The following COL28A1 variants were observed in gnomAD, a reference collection of about 807,000 sequenced individuals.
The protein encoded by COL28A1 is collagen alpha-1(XXVIII) chain.
Under a neutral mutation model 150.2 loss-of-function variants are expected in COL28A1, and 161 were observed. That is an observed-to-expected ratio of 1.07 (90% CI 0.94 to 1.22). COL28A1 has a LOEUF of 1.22. Among genes scored for constraint, COL28A1 ranks in the 50% most tolerant of loss-of-function variants. The pLI, the probability that COL28A1 is intolerant of heterozygous loss-of-function variation, is 0.00. For synonymous variants in COL28A1, 552 were observed against 469.7 expected, an observed-to-expected ratio of 1.18 and a Z score of -2.26; for missense variants, 1,617 against 1,388.3, an observed-to-expected ratio of 1.16 and a Z score of -2.62.
intron 11 of COL28A1, among the ~76,000 whole-genome samples, chr7:7,494,725 C>G (rs966451329): frequency 9.2e-5 from 14 of 152,108 alleles, no homozygotes; most frequent in African/African-American, 3.4e-4. Flanking sequence ...TACAATCTGG[C>G]TGGAGAGACA....
intron 11 of COL28A1, among the ~76,000 whole-genome samples, chr7:7,505,125 C>T (rs1780739009): frequency 6.6e-6 from 1 of 152,202 alleles, no homozygotes; most frequent in Non-Finnish European, 1.5e-5. Context: ...TGGTAAATCA[C>T]ACACTGTCAT....
chr7:7,396,158 G>C (rs1057427501), intron 27 of COL28A1, among the ~76,000 whole-genome samples: 1 of 152,098 alleles, frequency 6.6e-6, no homozygotes, highest in African/African-American at 2.4e-5. Flanking sequence ...ACCTTATCCA[G>C]AGACCCCCTA....
intron 15 of COL28A1, among the ~76,000 whole-genome samples, chr7:7,457,619 A>C (rs777851795): frequency 3.3e-5 from 5 of 152,182 alleles, no homozygotes; most frequent in Non-Finnish European, 7.3e-5. Flanking sequence ...TAATTGAGTG[A>C]ATTTGCCAAG....
intron 13 of COL28A1, among the ~76,000 whole-genome samples, chr7:7,485,727 T>C (rs894515299): frequency 3.9e-5 from 6 of 152,310 alleles, no homozygotes; most frequent in African/African-American, 1.4e-4. Context: ...AAGACTATGT[T>C]TCCTCTATTG....
chr7:7,367,713 G>C (rs1447169095), intron 33 of COL28A1, among the ~76,000 whole-genome samples: 2 of 151,900 alleles, frequency 1.3e-5, no homozygotes, highest in African/African-American at 4.8e-5. Flanking sequence ...GTGATACAGA[G>C]GGATCTGTTC....
At chr7:7,440,163 G>T (rs17167748) in intron 21 of COL28A1, among the ~76,000 whole-genome samples, 2,627 of 152,200 alleles carry the variant, frequency 0.017, 50 homozygotes, top group African/African-American at 0.045. Flanking sequence ...TCAGCACTGT[G>T]TTATCAACAA....
intron 32 of COL28A1, among the ~76,000 whole-genome samples, chr7:7,372,263 G>T (rs1431782055): frequency 2.0e-5 from 3 of 151,794 alleles, no homozygotes; most frequent in Admixed American, 1.3e-4. Context: ...GCCGGGCATG[G>T]TGGCGCGTGC....
intron 27 of COL28A1, among the ~76,000 whole-genome samples, chr7:7,405,187 C>T (rs1234784984): frequency 6.6e-6 from 1 of 152,172 alleles, no homozygotes; most frequent in Non-Finnish European, 1.5e-5. Flanking sequence ...AACTAATTTC[C>T]TTTATATGTA....
intron 33 of COL28A1, among the ~76,000 whole-genome samples, chr7:7,365,520 G>C (rs1248638090): frequency 6.6e-6 from 1 of 152,132 alleles, no homozygotes; most frequent in Non-Finnish European, 1.5e-5. Context: ...AACAGACTCA[G>C]TGCAGTATCC....
At chr7:7,395,967 G>A (rs1782812214) in intron 27 of COL28A1, among the ~76,000 whole-genome samples, 1 of 152,308 alleles carries the variant, frequency 6.6e-6, no homozygotes, top group South Asian at 2.1e-4. Flanking sequence ...GTTAATAACA[G>A]TTAACAAGAC....
intron 25 of COL28A1, among the ~76,000 whole-genome samples, chr7:7,428,010 G>T (rs1203617673): frequency 6.6e-6 from 1 of 152,124 alleles, no homozygotes; most frequent in East Asian, 1.9e-4. Context: ...TATCAAAAAT[G>T]TTTCTATTGT....
downstream of COL28A1, chr7:7,356,088 C>T (rs904764853): frequency 6.6e-6 from 1 of 151,782 alleles, no homozygotes; most frequent in Non-Finnish European, 1.5e-5. Flanking sequence ...CTCAAAAAAG[C>T]TAAATAATAA....
downstream of COL28A1, among the ~76,000 whole-genome samples, chr7:7,354,501 C>G (rs965851538): frequency 6.6e-6 from 1 of 152,026 alleles, no homozygotes; most frequent in African/African-American, 2.4e-5. Flanking sequence ...AACGCCCCTA[C>G]CTAAAACTTA....
intron 16 of COL28A1, among the ~76,000 whole-genome samples, chr7:7,455,829 C>T (rs1787118085): frequency 6.6e-6 from 1 of 152,226 alleles, no homozygotes; most frequent in Non-Finnish European, 1.5e-5. Context: ...CATCAAGAAA[C>T]ACACTACTTA....
the COL28A1 span, among the ~76,000 whole-genome samples, chr7:7,349,065 G>A: frequency 2.4e-3 from 361 of 152,048 alleles, 2 homozygotes; most frequent in Non-Finnish European, 3.7e-3. Context: ...GATATGTTGT[G>A]TCCTTCTTTT....
At chr7:7,471,585 T>C (rs2128347592) in intron 15 of COL28A1, among the ~76,000 whole-genome samples, 2 of 152,274 alleles carry the variant, frequency 1.3e-5, no homozygotes, top group South Asian at 4.1e-4. Context: ...TCAATAAATG[T>C]GATACACCAC....
intron 11 of COL28A1, among the ~76,000 whole-genome samples, chr7:7,504,740 C>G: frequency 6.6e-6 from 1 of 152,300 alleles, no homozygotes; most frequent in African/African-American, 2.4e-5. Context: ...AATGAAAATG[C>G]TAAGCCAGTA....
chr7:7,361,644 A>G (rs1029942042), intron 33 of COL28A1, among the ~76,000 whole-genome samples: 4 of 152,166 alleles, frequency 2.6e-5, no homozygotes, highest in African/African-American at 9.7e-5. Context: ...TCTTCTTTTG[A>G]GAAGTATCTG....
At chr7:7,427,378 A>G (rs1784703178) in intron 25 of COL28A1, among the ~76,000 whole-genome samples, 1 of 152,212 alleles carries the variant, frequency 6.6e-6, no homozygotes, top group African/African-American at 2.4e-5. Flanking sequence ...GCTTTCTTCA[A>G]GTCCACTTTG....
Sources: allele counts gnomAD v4.1 joint callset (sites outside exome capture counted in the v4.1 genomes callset), GRCh38; gene constraint gnomAD v4.1.1; transcripts MANE v1.5; gene names NCBI Gene and HGNC (gene_info 2026-07-23, HGNC 2026-07-21).